VGLL4: variants seen among roughly 807,000 people sequenced by gnomAD.
VGLL4 encodes transcription cofactor vestigial-like protein 4.
Under a neutral mutation model 21.0 loss-of-function variants are expected in VGLL4, and 7 were observed. The observed-to-expected ratio is 0.33, with a 90% CI of 0.19 to 0.63. VGLL4 has a LOEUF of 0.63. Ranked by LOEUF, VGLL4 falls within the 20% of genes least tolerant of loss-of-function variation. The pLI, the probability that VGLL4 is intolerant of heterozygous loss-of-function variation, is 0.78. For synonymous variants in VGLL4, 222 were observed against 173.2 expected, an observed-to-expected ratio of 1.28 and a Z score of -2.21; for missense variants, 394 against 425.7, an observed-to-expected ratio of 0.93 and a Z score of 0.66.
At chr3:11,711,580 G>C (rs1490527143) in intron 1 of VGLL4, among the ~76,000 whole-genome samples, 1 of 151,990 alleles carries the variant, frequency 6.6e-6, no homozygotes, top group African/African-American at 2.4e-5. Flanking sequence ...AGCCAGGTAT[G>C]GTGGCGTATG....
chr3:11,664,016 C>A lies in VGLL4; in HGVS notation c.64+38955G>T, dbSNP rs114897457. 5.2e-3 allele frequency among the ~76,000 whole-genome samples: 796 copies of A among 152,224 alleles called. 9 individuals are homozygous for A. The highest frequency in any genetic ancestry group is 0.018 in the African/African-American group (756 of 41,540). On this transcript the variant is annotated intron_variant, in intron 2 of 5. Transcript: ENST00000273038. ...GCTGTAACCCCAGCATTTTGGGAGT[C>A]CAAGGCGGGAGGATCACCTGAGGTA...
chr3:11,703,180 T>C (rs1221129817), intron 1 of VGLL4: 1 of 740,078 alleles, frequency 1.4e-6, no homozygotes, highest in East Asian at 3.3e-5. Context: ...TCTTCCCACA[T>C]GAGGAAACAG....
intron 2 of VGLL4, among the ~76,000 whole-genome samples, chr3:11,589,596 G>T (rs1368422634): frequency 6.6e-6 from 1 of 152,176 alleles, no homozygotes; most frequent in Non-Finnish European, 1.5e-5. Flanking sequence ...TATGAAAAGG[G>T]GATGAAGGAT....
rs1367252742 is a variant in VGLL4 at position 11,653,338 on chromosome 3, A to T, written c.64+49633T>A. Among the ~76,000 whole-genome samples the T allele has an allele frequency of 1.3e-5, 2 of 152,192 alleles. No homozygotes were observed. The highest frequency in any genetic ancestry group is 4.8e-5 in the African/African-American group (2 of 41,452). The stretch of plus-strand genomic sequence containing the variant: ...AGGGTAACTTACTATCCTAACCTTT[A>T]AGAACGTAGATCAGTTGTATAACAC... On this transcript the variant is annotated intron_variant, in intron 2 of 5. Coordinates refer to the VGLL4 transcript ENST00000273038. This position sits in a 1 kb window ranked among gnomAD's most constrained non-coding sequence, Gnocchi z 4.2.
chr3:11,642,052 C>T (rs1320438411), intron 1 of VGLL4, among the ~76,000 whole-genome samples: 5 of 151,070 alleles, frequency 3.3e-5, no homozygotes, highest in South Asian at 2.1e-4. Flanking sequence ...AAAACAAAAC[C>T]CTGACTACAA....
At chr3:11,583,230 C>G (rs1331976653) in intron 2 of VGLL4, among the ~76,000 whole-genome samples, 1 of 152,168 alleles carries the variant, frequency 6.6e-6, no homozygotes, top group Non-Finnish European at 1.5e-5. Flanking sequence ...AGAGTAAACT[C>G]TGATCAACCA....
chr3:11,564,721 C>G (rs910533190), intron 3 of VGLL4, 76 bp downstream of exon 3: 9 of 1,504,804 alleles, frequency 6.0e-6, no homozygotes, highest in Non-Finnish European at 8.0e-6. Context: ...TCGGAGTCCT[C>G]TGCTCGGGGC....
chr3:11,680,844 T>A (rs1024862042), intron 2 of VGLL4, among the ~76,000 whole-genome samples: 2 of 152,168 alleles, frequency 1.3e-5, no homozygotes, highest in African/African-American at 4.8e-5. Context: ...GCTTCTCACC[T>A]CAGCACTTAG....
In VGLL4 at chr3:11,568,942, AC is replaced by A; in HGVS notation, c.273-3924del. The stretch of plus-strand genomic sequence containing the variant: ...CGGGCACTTCCACTGCCAGCTGCCC[AC>A]GGAGAGAAAGATGGAAAGAGGAGGG... On this transcript the variant is annotated intron_variant, in intron 2 of 4. Coordinates refer to ENST00000430365, the MANE Select transcript of VGLL4 (RefSeq NM_001128219.3). The surrounding 1 kb of genome is among the most constrained non-coding windows in gnomAD (Gnocchi z 5.9). 10 of 1,223,790 alleles carry A rather than the reference AC, an allele frequency of 8.2e-6. No homozygotes were observed. Among genetic ancestry groups the A allele is most frequent in the Non-Finnish European group, 1.0e-5 (10 of 973,910 alleles). 75.8% of individuals were successfully genotyped at this position (1,223,790 alleles called of 1,614,324 possible). A position where few individuals can be genotyped will look rare whatever the true frequency, so the allele number is the denominator to read the frequency against.
exon 2 of VGLL4, chr3:11,703,026 C>G: frequency 1.2e-6 from 2 of 1,611,838 alleles, no homozygotes; most frequent in Non-Finnish European, 1.7e-6. Context: ...CATCCAATGG[C>G]GTCTCCATTC....
chr3:11,602,120 A>C, intron 1 of VGLL4, 98 bp from the exon 2 acceptor site: 2 of 1,214,526 alleles, frequency 1.6e-6, no homozygotes, highest in Non-Finnish European at 2.2e-6. Context: ...TTACAAAACT[A>C]CTCCCAGTGG....
At chr3:11,596,588 A>G (rs1422761407) in intron 2 of VGLL4, among the ~76,000 whole-genome samples, 1 of 152,148 alleles carries the variant, frequency 6.6e-6, no homozygotes, top group Non-Finnish European at 1.5e-5. Context: ...GGAACTCATT[A>G]TCTCCTAGCT....
chr3:11,688,579 A>G (rs1346572005), intron 2 of VGLL4, among the ~76,000 whole-genome samples: 1 of 152,118 alleles, frequency 6.6e-6, no homozygotes, highest in Non-Finnish European at 1.5e-5. Context: ...CTTGTTTCAT[A>G]TATGTTCTAT....
rs79293797 is a variant in VGLL4 at position 11,600,119 on chromosome 3, C to A, written c.272+1714G>T. On this transcript the variant is annotated intron_variant, in intron 2 of 4. Transcript: ENST00000430365. ...GAATAAAAATAACAACCCCCATCAA[C>A]AAAGTGCTATACCATGCCAAGCTCT... Among the ~76,000 whole-genome samples, 81 of 152,264 alleles carry A rather than the reference C, an allele frequency of 5.3e-4. 4 individuals are homozygous for A. Among genetic ancestry groups the A allele is most frequent in the African/African-American group, 1.9e-3 (79 of 41,552 alleles).
chr3:11,559,332 C>T lies in VGLL4; in HGVS notation c.619G>A (p.Ala207Thr), dbSNP rs1250299325. 7.8e-6 allele frequency: 12 copies of T among 1,537,610 alleles called. No individual in the cohort carries two copies. The highest frequency in any genetic ancestry group is 1.4e-5 in the African/African-American group (1 of 72,838). ...AGGTGAGGAGGCCCGGGACACTCAC[C>T]GCTCGGTGGCCTCCGGTAGCTGGCA... is the stretch of plus-strand genomic sequence containing the variant. Reference protein sequence around the residue: ...GPASYRRPPSAATTCDPVVEE... With the variant: ...GPASYRRPPSTATTCDPVVEE... Residue 207 changes from alanine to threonine, a missense_variant and splice_region_variant, in exon 4 of 5, where the codon GCT (alanine) becomes ACT (threonine). Physicochemically the swap from Ala to Thr is moderately conservative, Grantham distance 58. Coordinates refer to ENST00000430365, the MANE Select transcript of VGLL4 (RefSeq NM_001128219.3).
intron 1 of VGLL4, among the ~76,000 whole-genome samples, chr3:11,707,305 G>T (rs1461982019): frequency 7.0e-6 from 1 of 142,286 alleles, no homozygotes; most frequent in African/African-American, 2.6e-5. Context: ...TCCAGCCTGG[G>T]CAACAGAGCC....
chr3:11,704,383 C>CAAAAAAAAAAAAAAAAAAA (rs57593843), intron 1 of VGLL4, among the ~76,000 whole-genome samples: 14 of 69,158 alleles, frequency 2.0e-4, no homozygotes, highest in South Asian at 5.3e-4. Flanking sequence ...AACTCCGTCT[C>CAAAAAAAAAAAAAAAAAAA]AAAAAAAAAA....
intron 1 of VGLL4, among the ~76,000 whole-genome samples, chr3:11,632,113 A>G (rs549640035): frequency 1.3e-5 from 2 of 152,308 alleles, no homozygotes; most frequent in South Asian, 2.1e-4. Context: ...CAGGAGTTCA[A>G]TTCCAGCCCA....
chr3:11,608,497 A>T (rs1292103267), intron 1 of VGLL4, among the ~76,000 whole-genome samples: 1 of 152,216 alleles, frequency 6.6e-6, no homozygotes, highest in Non-Finnish European at 1.5e-5. Context: ...CAGCATGTTT[A>T]TTTCAATGGC....
Sources: gnomAD v4.1 joint callset for allele counts (sites outside exome capture counted in the v4.1 genomes callset) on GRCh38, gnomAD v4.1.1 for gene constraint, Gnocchi (gnomAD v3.1) non-coding constraint, MANE v1.5 for transcripts, NCBI Gene and HGNC (gene_info 2026-07-23, HGNC 2026-07-21) for gene names.